UCP2: variants seen among roughly 807,000 people sequenced by gnomAD.
UCP2 encodes uncoupling protein 2.
In UCP2, 27 loss-of-function variants were observed where a neutral mutation model predicts 31.3. The ratio of observed to expected loss-of-function variants is 0.86; its 90% confidence interval spans 0.64 to 1.19. The LOEUF is 1.19. Among genes scored for constraint, UCP2 ranks in the 50% most tolerant of loss-of-function variants. The pLI, the probability that UCP2 is intolerant of heterozygous loss-of-function variation, is 0.00. For missense variants in UCP2, 377 were observed against 413.5 expected, an observed-to-expected ratio of 0.91 and a Z score of 0.76; for synonymous variants, 142 against 157.4, an observed-to-expected ratio of 0.90 and a Z score of 0.73.
rs371212722 is a variant in UCP2, at chr11:73,975,102, G to A, written c.835C>T (p.Arg279Cys). 44 of 1,612,976 alleles carry A rather than the reference G, an allele frequency of 2.7e-5. No homozygotes were observed. Among genetic ancestry groups the A allele is most frequent in the South Asian group, 1.1e-4 (10 of 90,912 alleles). ...ATCACCACGTTCCAGGAACCCAAGC[G>A]GAGAAAGGAGGGCATGAACCTAGAG... is the stretch of plus-strand genomic sequence containing the variant. ...FYKGFMPSFL[R>C]LGSWNVVMFV... Residue 279 changes from arginine to cysteine, a missense_variant, in exon 8 of 8, where the codon CGC becomes TGC. By Grantham distance (180) the Arg-to-Cys change is radical. Coordinates refer to ENST00000663595, the MANE Select transcript of UCP2 (RefSeq NM_003355.3).
intron 1 of UCP2, among the ~76,000 whole-genome samples, chr11:73,981,895 C>A (rs1285982590): frequency 6.6e-6 from 1 of 151,996 alleles, no homozygotes; most frequent in Non-Finnish European, 1.5e-5. Context: ...CACCCCCTAG[C>A]ACAGTCATCA....
At position 73,975,625 on chromosome 11, in the gene UCP2, G is replaced by A; in HGVS notation, c.681C>T (p.Cys227=). ...CTACAGGGGAGGCGATGACAGTGGT[G>A]CAGAAGCCTGCCCCAAAGGCAGAAG... ...HFTSAFGAGF[C]TTVIASPVDV... The change falls in exon 7 of 8, where the codon TGC becomes TGT. Residue 227 remains cysteine (C), a synonymous_variant. Transcript: ENST00000663595. 6.2e-7 allele frequency: 1 copy of A among 1,614,248 alleles called. No individual in the cohort carries two copies. The highest frequency in any genetic ancestry group is 8.5e-7 in the Non-Finnish European group (1 of 1,180,048).
In UCP2 at chr11:73,977,861, G is replaced by C. The variant is rs773375136; in HGVS notation, c.337+25C>G. On this transcript the variant is annotated intron_variant, in intron 4 of 7. Transcript: ENST00000663595. ...ATCACTGAGAAAAAAGGGCCAAGGG[G>C]CCTACACCCTTGCTCCATACTCACG... 11 of 1,613,534 alleles carry C rather than the reference G, an allele frequency of 6.8e-6. No homozygotes were observed. In the South Asian group the frequency reaches 1.2e-4, roughly 18 times the overall value.
In UCP2 at chr11:73,976,623, G is replaced by A. The variant is rs111357901; in HGVS notation, c.634+18C>T. On this transcript the variant is annotated intron_variant, in intron 6 of 7. Transcript: ENST00000663595. ...TGGGGGAAGGGTGAGACCCAGCACC[G>A]TCTACCTCATGACTCACCTGTCATG... 1,224 of 1,604,938 alleles carry A rather than the reference G, an allele frequency of 7.6e-4. 11 individuals carry two copies. The African/African-American group carries it at 0.015, about 20-fold the overall frequency.
rs776531528 is a variant in UCP2, at chr11:73,976,906, G to A, written c.449C>T (p.Ala150Val). The A allele has an allele frequency of 1.2e-6, 2 of 1,614,082 alleles. No individual in the cohort carries two copies. The highest frequency in any genetic ancestry group is 4.5e-5 in the East Asian group (2 of 44,870). The change falls in exon 5 of 8, where the codon GCT becomes GTT. Residue 150 changes from alanine to valine, a missense_variant. Transcript: ENST00000663595. ...GCTTTGGTATCTCCGACCACCTCCA[G>A]CCCGGGCCTGAGCTTGGAATCGGAC... is the stretch of plus-strand genomic sequence containing the variant. ...VKVRFQAQAR[A>V]GGGRRYQSTV...
chr11:73,975,490 C>T lies in UCP2; in HGVS notation c.815+1G>A. 1.2e-6 allele frequency: 2 copies of T among 1,608,998 alleles called. No homozygotes were observed. The highest frequency in any genetic ancestry group is 2.2e-5 in the South Asian group (2 of 90,786). On this transcript the variant is annotated splice_donor_variant, in intron 7 of 7. Coordinates refer to ENST00000663595, the MANE Select transcript of UCP2 (RefSeq NM_003355.3). LOFTEE classifies it high-confidence loss of function. ...CTGGGTGGGGAGGACCAGAGGCTCA[C>T]CCTTTGTAGAAGGCTCGGGGCCCCT...
intron 2 of UCP2, chr11:73,979,818 A>AG (rs201319107): frequency 3.1e-4 from 40 of 129,318 alleles, no homozygotes; most frequent in Admixed American, 8.0e-4. Context: ...ACCTTGTCTC[A>AG]AAAAAAAAAA....
At chr11:73,975,417 G>T (rs1951325630) in intron 7 of UCP2, 74 bp downstream of exon 7, 2 of 1,518,252 alleles carry the variant, frequency 1.3e-6, no homozygotes, top group Non-Finnish European at 1.8e-6. Flanking sequence ...TCACTTCCAG[G>T]TGGTTCTCTC....
chr11:73,975,326 G>A (rs189739227), intron 7 of UCP2, among the ~76,000 whole-genome samples, 165 bp downstream of exon 7: 1 of 152,316 alleles, frequency 6.6e-6, no homozygotes, highest in Non-Finnish European at 1.5e-5. Flanking sequence ...TAGCAATTCT[G>A]GGAGGAAGGA....
chr11:73,977,175 C>A (rs1050254484), intron 4 of UCP2, 158 bp from the exon 5 acceptor site: 78 of 700,146 alleles, frequency 1.1e-4, no homozygotes, highest in Non-Finnish European at 1.7e-4. Flanking sequence ...AAGAACTCCT[C>A]ACATCAAACA....
rs779177473 is a variant in UCP2, at chr11:73,976,671, C to A, written c.604G>T (p.Asp202Tyr). ...AELVTYDLIKDALLKANLMTD... is the reference protein window; with the variant it reads ...AELVTYDLIKYALLKANLMTD... ...ATGAGGTTGGCTTTCAGGAGGGCAT[C>A]CTTGATGAGGTCATAGGTCACCAGC... The change falls in exon 6 of 8, where the codon GAT (aspartate) becomes TAT (tyrosine). Residue 202 changes from aspartate (D) to tyrosine (Y), a missense_variant. Physicochemically the swap from Asp to Tyr is radical, Grantham distance 160 (BLOSUM62 -3). Transcript: ENST00000663595. 14 of 1,613,988 alleles carry A rather than the reference C, an allele frequency of 8.7e-6. No individual in the cohort carries two copies. The highest frequency in any genetic ancestry group is 1.2e-5 in the Non-Finnish European group (14 of 1,180,028).
chr11:73,974,806 A>G lies in UCP2; in HGVS notation c.*201T>C, dbSNP rs1951308595. ...TGGTACGAGGCCTCCCACACTGTCA[A>G]ATGTCAACTCCACCAGCACTGAGAC... is the stretch of plus-strand genomic sequence containing the variant. On this transcript the variant is annotated 3_prime_UTR_variant, in exon 8 of 8. Coordinates refer to ENST00000663595, the MANE Select transcript of UCP2 (RefSeq NM_003355.3). 1 of 623,712 alleles carries G rather than the reference A, an allele frequency of 1.6e-6. No individual in the cohort carries two copies. The highest frequency in any genetic ancestry group is 2.9e-6 in the Non-Finnish European group (1 of 348,212). 38.6% of individuals were successfully genotyped at this position (623,712 alleles called of 1,614,324 possible).
Position 73,978,456 on chromosome 11 carries a change from G to A in UCP2, c.-78C>T, listed in dbSNP as rs534528163. Reference sequence around the variant, plus strand: ...GCACCTTTAATCAGCAACAAGACGAGATAGAGGAACTCTGCCGGAATCTAA... The same window carrying A: ...GCACCTTTAATCAGCAACAAGACGAAATAGAGGAACTCTGCCGGAATCTAA... On this transcript the variant is annotated 5_prime_UTR_variant, in exon 3 of 8. Coordinates refer to ENST00000663595, the MANE Select transcript of UCP2 (RefSeq NM_003355.3). 6.3e-6 allele frequency: 10 copies of A among 1,595,132 alleles called. No homozygotes were observed. In the African/African-American group the frequency reaches 1.3e-4, roughly 21 times the overall value.
chr11:73,975,114 G>T lies in UCP2; in HGVS notation c.823C>A (p.Pro275Thr). The part of the protein sequence containing the change: ...GPRAFYKGFM[P>T]SFLRLGSWNV... ...CAGGAACCCAAGCGGAGAAAGGAGG[G>T]CATGAACCTAGAGGAGAAAAATCAC... The change falls in exon 8 of 8, where the codon CCC becomes ACC. Residue 275 changes from proline to threonine, a missense_variant. Physicochemically the swap from Pro to Thr is conservative, Grantham distance 38. Transcript: ENST00000663595. 1 of 1,612,180 alleles carries T rather than the reference G, an allele frequency of 6.2e-7. No individual in the cohort carries two copies. The highest frequency in any genetic ancestry group is 8.5e-7 in the Non-Finnish European group (1 of 1,179,102).
Position 73,978,083 on chromosome 11 carries a change from C to T in UCP2, c.140G>A (p.Ser47Asn), listed in dbSNP as rs144018051. The T allele has an allele frequency of 9.4e-5, 151 of 1,614,092 alleles. No homozygotes were observed. In the African/African-American group the frequency reaches 1.9e-3, roughly 20 times the overall value. Residue 47 changes from serine to asparagine, a missense_variant, in exon 4 of 8, where the codon AGT becomes AAT. Ser to Asn is a conservative substitution (Grantham distance 46, BLOSUM62 1). Coordinates refer to ENST00000663595, the MANE Select transcript of UCP2 (RefSeq NM_003355.3). ...AKVRLQIQGESQGPVRATASA... is the reference protein window; with the variant it reads ...AKVRLQIQGENQGPVRATASA... ...GGCTGTAGCGCGCACTGGCCCCTGA[C>T]TTTCTCCTTGGATCTGCAAGGCCAA...
chr11:73,978,036 T>A lies in UCP2; in HGVS notation c.187A>T (p.Met63Leu), dbSNP rs1295296991. Residue 63 changes from methionine to leucine, a missense_variant, in exon 4 of 8, where the codon ATG becomes TTG. Met to Leu is a conservative substitution (Grantham distance 15). Coordinates refer to ENST00000663595, the MANE Select transcript of UCP2 (RefSeq NM_003355.3). ...CGCACCATGGTCAGAATGGTGCCCA[T>A]CACACCGCGGTACTGGGCGCTGGCT... ...ATASAQYRGV[M>L]GTILTMVRTE... The A allele has an allele frequency of 1.2e-6, 2 of 1,614,052 alleles. No homozygotes were observed. The highest frequency in any genetic ancestry group is 1.7e-6 in the Non-Finnish European group (2 of 1,180,034).
chr11:73,976,051 A>C (rs763097147), intron 6 of UCP2, among the ~76,000 whole-genome samples: 10 of 152,062 alleles, frequency 6.6e-5, no homozygotes, highest in Non-Finnish European at 1.2e-4. Context: ...TGGGCAACCG[A>C]GCAAGACCCT....
At chr11:73,979,401 G>A (rs1160349077) in intron 2 of UCP2, among the ~76,000 whole-genome samples, 2 of 152,210 alleles carry the variant, frequency 1.3e-5, no homozygotes, top group Non-Finnish European at 2.9e-5. Context: ...ACAAAAATGA[G>A]CTGGGTGTGT....
At chr11:73,980,492 G>T (rs922205958) in intron 2 of UCP2, among the ~76,000 whole-genome samples, 3 of 152,134 alleles carry the variant, frequency 2.0e-5, no homozygotes, top group Admixed American at 6.5e-5. Context: ...GACAGATTGG[G>T]TTGATGAAGG....
Sources: allele counts gnomAD v4.1 joint callset (sites outside exome capture counted in the v4.1 genomes callset), GRCh38; gene constraint gnomAD v4.1.1; transcripts MANE v1.5; gene names NCBI Gene and HGNC (gene_info 2026-07-23, HGNC 2026-07-21).